CHCHD6: variants seen among roughly 807,000 people sequenced by gnomAD.
CHCHD6 encodes the protein MICOS complex subunit MIC25.
CHCHD6 carries 28 observed loss-of-function variants against 32.3 expected under a neutral mutation model. That is an observed-to-expected ratio of 0.87 (90% confidence interval 0.64 to 1.19). The LOEUF is 1.19. Among genes scored for constraint, CHCHD6 ranks in the 50% most tolerant of loss-of-function variants. CHCHD6 has a pLI of 0.00. For missense variants in CHCHD6, 333 were observed against 307.0 expected (o/e 1.08, Z -0.63); for synonymous variants, 122 against 117.5 (o/e 1.04, Z -0.25).
At chr3:126,807,066 G>T (rs1453227801) in intron 4 of CHCHD6, among the ~76,000 whole-genome samples, 1 of 107,894 alleles carries the variant, frequency 9.3e-6, no homozygotes, top group African/African-American at 3.6e-5. Flanking sequence ...GGGGAGGGGG[G>T]AGGGATAGCA....
At chr3:126,915,966 T>C (rs1332048154) in intron 6 of CHCHD6, among the ~76,000 whole-genome samples, 1 of 17,874 alleles carries the variant, frequency 5.6e-5, no homozygotes, top group Non-Finnish European at 9.6e-5. Context: ...TTTTGTATTT[T>C]TTGTAGAGAT....
intron 5 of CHCHD6, among the ~76,000 whole-genome samples, chr3:126,863,409 TA>T (rs200138775): frequency 0.016 from 199 of 12,178 alleles, 2 homozygotes; most frequent in Non-Finnish European, 0.023. Flanking sequence ...CCTCCTCCTC[TA>T]CCATCATCAC....
chr3:126,727,003 G>C, intron 1 of CHCHD6, 75 bp from the exon 2 acceptor site: 3 of 1,022,276 alleles, frequency 2.9e-6, no homozygotes, highest in Non-Finnish European at 4.6e-6. Flanking sequence ...TCTGGGGCCT[G>C]AATAAAGAGG....
intron 5 of CHCHD6, among the ~76,000 whole-genome samples, chr3:126,853,008 A>G (rs565429812): frequency 6.6e-6 from 1 of 152,274 alleles, no homozygotes; most frequent in South Asian, 2.1e-4. Context: ...GTTCAATTTT[A>G]GAAAAAAATT....
At chr3:126,922,319 T>A (rs1309237202) in intron 6 of CHCHD6, among the ~76,000 whole-genome samples, 1 of 152,238 alleles carries the variant, frequency 6.6e-6, no homozygotes, top group Admixed American at 6.5e-5. Flanking sequence ...GGCAAGTTCA[T>A]TGACCTCTCA....
intron 5 of CHCHD6, among the ~76,000 whole-genome samples, chr3:126,910,278 AAAAAAAAAC>A (rs1417653297): frequency 6.0e-5 from 9 of 149,586 alleles, no homozygotes; most frequent in African/African-American, 2.3e-4. Context: ...CTCAGGAAAA[AAAAAAAAAC>A]AAAAAAAACA....
chr3:126,783,857 G>T (rs1215554182), intron 4 of CHCHD6, among the ~76,000 whole-genome samples: 2 of 151,916 alleles, frequency 1.3e-5, no homozygotes, highest in Non-Finnish European at 2.9e-5. Context: ...GTGGGAGGGG[G>T]GTCTGGTACA....
At chr3:126,901,299 G>A (rs920717219) in intron 5 of CHCHD6, among the ~76,000 whole-genome samples, 7 of 152,206 alleles carry the variant, frequency 4.6e-5, no homozygotes, top group Admixed American at 6.5e-5. Flanking sequence ...GTCCTCTGAC[G>A]GGAGGCGCTG....
chr3:126,871,471 G>T lies in CHCHD6; in HGVS notation c.495+18741G>T, dbSNP rs568728936. ...GCCCTTAGGTCAGGGATTCTCAGGG[G>T]TTTCACTCCTAGAAGCACATGATAG... is the stretch of plus-strand genomic sequence containing the variant. On this transcript the variant is annotated intron_variant, in intron 5 of 7. Transcript: ENST00000290913. Among the ~76,000 whole-genome samples the T allele has an allele frequency of 1.9e-3, 295 of 152,098 alleles. 1 individual carries two copies. The highest frequency in any genetic ancestry group is 6.6e-3 in the African/African-American group (276 of 41,510).
intron 4 of CHCHD6, among the ~76,000 whole-genome samples, chr3:126,841,026 C>T (rs868150231): frequency 3.3e-5 from 5 of 151,930 alleles, no homozygotes; most frequent in Admixed American, 2.0e-4. Flanking sequence ...GTATATCTCC[C>T]GATGCTATCC....
intron 5 of CHCHD6, among the ~76,000 whole-genome samples, chr3:126,897,330 C>T (rs971708034): frequency 4.6e-5 from 7 of 152,190 alleles, no homozygotes; most frequent in Admixed American, 1.3e-4. Context: ...CAATAGATAA[C>T]GACTCTGAAA....
At chr3:126,903,112 C>T (rs1033640150) in intron 5 of CHCHD6, among the ~76,000 whole-genome samples, 23 of 152,124 alleles carry the variant, frequency 1.5e-4, no homozygotes, top group Non-Finnish European at 2.6e-4. Context: ...TGTGGCTGGC[C>T]GCTGTCAGGA....
At chr3:126,923,379 T>A (rs1227429658) in intron 6 of CHCHD6, among the ~76,000 whole-genome samples, 1 of 152,266 alleles carries the variant, frequency 6.6e-6, no homozygotes, top group African/African-American at 2.4e-5. Context: ...GAGGTCAACC[T>A]AATATCTTAT....
At chr3:126,865,617 A>G in intron 5 of CHCHD6, 2 of 985,114 alleles carry the variant, frequency 2.0e-6, no homozygotes, top group Non-Finnish European at 2.4e-6. Context: ...TGCTACCACC[A>G]TTTTGATTGC....
intron 5 of CHCHD6, among the ~76,000 whole-genome samples, chr3:126,897,901 A>G (rs895785283): frequency 1.3e-5 from 2 of 152,052 alleles, no homozygotes; most frequent in African/African-American, 4.8e-5. Context: ...TGGGTTTTCT[A>G]CCAACTGGGA....
chr3:126,744,675 C>T (rs185228224), intron 4 of CHCHD6, among the ~76,000 whole-genome samples: 74 of 152,258 alleles, frequency 4.9e-4, no homozygotes, highest in Admixed American at 1.8e-3. Context: ...CAGAGGGATC[C>T]AATCACTTCC....
At chr3:126,810,355 T>C (rs1004828867) in intron 4 of CHCHD6, among the ~76,000 whole-genome samples, 1 of 152,208 alleles carries the variant, frequency 6.6e-6, no homozygotes, top group Non-Finnish European at 1.5e-5. Context: ...CCTGTCATAG[T>C]GGGAAGTCAA....
chr3:126,856,786 C>T (rs1437156928), intron 5 of CHCHD6, among the ~76,000 whole-genome samples: 1 of 152,162 alleles, frequency 6.6e-6, no homozygotes, highest in Non-Finnish European at 1.5e-5. Context: ...TTCAGTCAAC[C>T]ATGGAGCTGA....
chr3:126,901,612 T>A (rs891635273), intron 5 of CHCHD6, among the ~76,000 whole-genome samples: 2 of 152,242 alleles, frequency 1.3e-5, no homozygotes, highest in Non-Finnish European at 2.9e-5. Flanking sequence ...TCTGAAAGTA[T>A]AATATGTGTG....
Sources: gnomAD v4.1 joint callset for allele counts (sites outside exome capture counted in the v4.1 genomes callset) on GRCh38, gnomAD v4.1.1 for gene constraint, MANE v1.5 for transcripts, NCBI Gene and HGNC (gene_info 2026-07-23, HGNC 2026-07-21) for gene names.